ITGAV: variants seen among roughly 807,000 people sequenced by gnomAD.
ITGAV encodes the protein integrin alpha-V.
ITGAV carries 76 observed loss-of-function variants against 143.8 expected under a neutral mutation model. The ratio of observed to expected loss-of-function variants is 0.53; its 90% CI spans 0.44 to 0.64. ITGAV has a LOEUF of 0.64. Among genes scored for constraint, ITGAV ranks in the 30% least tolerant of loss-of-function variants. The pLI is 0.00. For missense variants in ITGAV, 1,193 were observed against 1,274.7 expected (o/e 0.94, Z 0.98); for synonymous variants, 453 against 446.7 (o/e 1.01, Z -0.18).
At position 186,605,755 on chromosome 2, in the gene ITGAV, TA is replaced by T. The variant is rs1170848680; in HGVS notation, c.316+3605del. The stretch of plus-strand genomic sequence containing the variant: ...TTGTAGATGTGTATATATATATATA[TA>T]TATTTATATGTATAATACATATATT... On this transcript the variant is annotated intron_variant, in intron 2 of 29. Transcript: ENST00000261023. Among the ~76,000 whole-genome samples, 81 of 70,314 alleles carry T rather than the reference TA, an allele frequency of 1.2e-3. 31 individuals are homozygous for T. Among genetic ancestry groups the T allele is most frequent in the South Asian group, 1.5e-3 (3 of 1,960 alleles). The allele number at this position is 70,314 out of a possible 152,430, so 46.1% of individuals were successfully genotyped here.
In ITGAV at chr2:186,678,780, C is replaced by A. The variant is rs776755698; in HGVS notation, c.*1488C>A. 1.1e-5 allele frequency: 5 copies of A among 454,786 alleles called. No homozygotes were observed. Among genetic ancestry groups the A allele is most frequent in the South Asian group, 6.2e-5 (4 of 64,210 alleles). The allele number at this position is 454,786 out of a possible 1,614,324, so 28.2% of individuals were successfully genotyped here. A position where few individuals can be genotyped will look rare whatever the true frequency, so the allele number is the denominator to read the frequency against. ...ACATTAGAAATGGAGAGTTTAATAG[C>A]TCTTTAACTGCTGTCCTCATTAGGT... On this transcript the variant is annotated 3_prime_UTR_variant, in exon 30 of 30. Coordinates refer to ENST00000261023, the MANE Select transcript of ITGAV (RefSeq NM_002210.5).
intron 3 of ITGAV, among the ~76,000 whole-genome samples, chr2:186,623,654 T>G (rs1269965337): frequency 6.6e-6 from 1 of 152,168 alleles, no homozygotes; most frequent in Non-Finnish European, 1.5e-5. Context: ...CTATTTGGCT[T>G]CCAAATGAAC....
chr2:186,676,673 A>G, intron 28 of ITGAV, 140 bp from the exon 29 acceptor site: 1 of 862,704 alleles, frequency 1.2e-6, no homozygotes, highest in Non-Finnish European at 1.7e-6. Context: ...CTTGATATCA[A>G]ATGTGAAACC....
At chr2:186,626,894 G>A (rs1687690838) in intron 4 of ITGAV, among the ~76,000 whole-genome samples, 1 of 152,188 alleles carries the variant, frequency 6.6e-6, no homozygotes, top group Non-Finnish European at 1.5e-5. Context: ...TCGGTGGTAT[G>A]TAGAGAATCT....
chr2:186,664,838 A>G (rs1020661196), intron 20 of ITGAV, among the ~76,000 whole-genome samples, 197 bp downstream of exon 20: 3 of 152,212 alleles, frequency 2.0e-5, no homozygotes, highest in African/African-American at 7.2e-5. Flanking sequence ...CATTTTTAGA[A>G]TTGCAAGCTA....
At chr2:186,622,177 GA>G (rs1284611360) in intron 2 of ITGAV, among the ~76,000 whole-genome samples, 161 bp from the exon 3 acceptor site, 1 of 152,062 alleles carries the variant, frequency 6.6e-6, no homozygotes, top group East Asian at 1.9e-4. Flanking sequence ...CTGATTACTT[GA>G]AAGTCTCTAA....
intron 17 of ITGAV, among the ~76,000 whole-genome samples, chr2:186,657,009 CACACACACACACACAG>C (rs1343632423): frequency 3.5e-5 from 5 of 142,602 alleles, no homozygotes; most frequent in African/African-American, 5.0e-5. Context: ...CACACACACA[CACACACACACACACAG>C]AAGCCACTAG....
Position 186,602,057 on chromosome 2 carries a change from C to T in ITGAV, c.222C>T (p.Asn74=), listed in dbSNP as rs199568296. 3 of 1,611,996 alleles carry T rather than the reference C, an allele frequency of 1.9e-6. No homozygotes were observed. The South Asian group carries it at 3.3e-5, about 18-fold the overall frequency. ...TTCTCGTGGGAGCTCCCAAAGCAAA[C>T]ACCACCCAGCCTGGGATTGTGGAAG... is the stretch of plus-strand genomic sequence containing the variant. ...MFLLVGAPKA[N]TTQPGIVEGG... Residue 74 remains asparagine, a synonymous_variant, in exon 2 of 30, where the codon AAC becomes AAT. Coordinates refer to ENST00000261023, the MANE Select transcript of ITGAV (RefSeq NM_002210.5).
At chr2:186,653,941 T>C (rs1027069176) in intron 15 of ITGAV, among the ~76,000 whole-genome samples, 1 of 152,238 alleles carries the variant, frequency 6.6e-6, no homozygotes, top group Non-Finnish European at 1.5e-5. Context: ...TTAAACTGGT[T>C]TCACAACCTG....
At chr2:186,668,718 G>A in intron 24 of ITGAV, 44 bp from the exon 25 acceptor site, 1 of 1,583,552 alleles carries the variant, frequency 6.3e-7, no homozygotes, top group Non-Finnish European at 8.6e-7. Context: ...TTATGGAACA[G>A]ATTTTTGCCC....
intron 18 of ITGAV, among the ~76,000 whole-genome samples, chr2:186,660,289 C>A (rs1203270543): frequency 1.3e-5 from 2 of 152,142 alleles, no homozygotes; most frequent in African/African-American, 4.8e-5. Flanking sequence ...ACTTTTGAAA[C>A]CCTTGGAGGG....
At chr2:186,597,137 G>T (rs377200913) in intron 1 of ITGAV, among the ~76,000 whole-genome samples, 10 of 152,254 alleles carry the variant, frequency 6.6e-5, no homozygotes, top group African/African-American at 1.7e-4. Context: ...CTTGTTCCTG[G>T]TATTATTCAA....
intron 4 of ITGAV, among the ~76,000 whole-genome samples, chr2:186,630,440 A>G (rs1687785475): frequency 6.6e-6 from 1 of 151,858 alleles, no homozygotes; most frequent in African/African-American, 2.4e-5. Flanking sequence ...GTTTGGTAAG[A>G]TTTTAAGTTG....
intron 2 of ITGAV, among the ~76,000 whole-genome samples, chr2:186,605,622 T>A (rs922783175): frequency 6.6e-6 from 1 of 151,888 alleles, no homozygotes; most frequent in African/African-American, 2.4e-5. Context: ...CTCCAGGGCC[T>A]AAACATTGTC....
chr2:186,621,601 C>T (rs1014943908), intron 2 of ITGAV, among the ~76,000 whole-genome samples: 4 of 152,120 alleles, frequency 2.6e-5, no homozygotes, highest in Admixed American at 2.6e-4. Flanking sequence ...TCTTAGTGGT[C>T]TCTTTTAATC....
At chr2:186,598,294 TACACACACACAC>T (rs56789925) in intron 1 of ITGAV, among the ~76,000 whole-genome samples, 94 of 147,970 alleles carry the variant, frequency 6.4e-4, no homozygotes, top group African/African-American at 2.1e-3. Flanking sequence ...TTATAATTTA[TACACACACACAC>T]ACACACACAC....
intron 2 of ITGAV, among the ~76,000 whole-genome samples, chr2:186,618,375 T>G (rs1413362706): frequency 6.6e-6 from 1 of 152,252 alleles, no homozygotes; most frequent in African/African-American, 2.4e-5. Context: ...CCAGTTATAC[T>G]GGACTACTTT....
chr2:186,667,091 CTG>C (rs1688919172), intron 22 of ITGAV, 57 bp from the exon 23 acceptor site: 1 of 1,311,616 alleles, frequency 7.6e-7, no homozygotes, highest in Non-Finnish European at 1.1e-6. Flanking sequence ...GGGTTTGCCT[CTG>C]TATGTTCTTG....
At position 186,650,483 on chromosome 2, in the gene ITGAV, A is replaced by G. The variant is rs1574490778; in HGVS notation, c.1397+598A>G. 3.3e-5 allele frequency among the ~76,000 whole-genome samples: 5 copies of G among 152,024 alleles called. 1 individual carries two copies. The highest frequency in any genetic ancestry group is 3.3e-4 in the Admixed American group (5 of 15,268). ...CCAAAATGCTGGGATTACTGTTATGAGCCACTGTGCCCAGCCAGCTATTTT... is the reference window on the plus strand; with the variant it reads ...CCAAAATGCTGGGATTACTGTTATGGGCCACTGTGCCCAGCCAGCTATTTT... On this transcript the variant is annotated intron_variant, in intron 14 of 29. Transcript: ENST00000261023.
Sources: allele counts gnomAD v4.1 joint callset (sites outside exome capture counted in the v4.1 genomes callset), GRCh38; gene constraint gnomAD v4.1.1; transcripts MANE v1.5; gene names NCBI Gene and HGNC (gene_info 2026-07-23, HGNC 2026-07-21).